Variants in CLYBL observed in about 807,000 individuals in gnomAD.
CLYBL encodes the protein citramalyl-CoA lyase.
CLYBL carries 31 observed loss-of-function variants against 38.9 expected under a neutral mutation model. That is an observed-to-expected ratio of 0.80 (90% CI 0.60 to 1.08). CLYBL has a LOEUF of 1.08. Ranked by LOEUF, CLYBL falls within the 50% of genes least tolerant of loss-of-function variation. The probability of loss-of-function intolerance (pLI) is 0.00; values close to 1 mark genes in which losing one functional copy is unlikely to be tolerated. For missense variants in CLYBL, 434 were observed against 411.6 expected, an observed-to-expected ratio of 1.05 and a Z score of -0.47; for synonymous variants, 171 against 158.6, an observed-to-expected ratio of 1.08 and a Z score of -0.59.
At chr13:99,857,782 G>A (rs1461466784) in intron 2 of CLYBL, among the ~76,000 whole-genome samples, 1 of 152,176 alleles carries the variant, frequency 6.6e-6, no homozygotes, top group African/African-American at 2.4e-5. Flanking sequence ...TCCTAGATCA[G>A]TATTGCTTTT....
intron 2 of CLYBL, among the ~76,000 whole-genome samples, chr13:99,813,826 G>A (rs2050389300): frequency 6.6e-6 from 1 of 152,076 alleles, no homozygotes; most frequent in African/African-American, 2.4e-5. Context: ...GTTGCCGTCC[G>A]CAAGTCCTTC....
chr13:99,788,782 G>A (rs2049854193), intron 2 of CLYBL, among the ~76,000 whole-genome samples: 1 of 152,192 alleles, frequency 6.6e-6, no homozygotes, highest in African/African-American at 2.4e-5. Context: ...AATGGTACCA[G>A]CTCCTCCTTG....
chr13:99,896,794 C>CT (rs1321113415), downstream of CLYBL: 1 of 152,240 alleles, frequency 6.6e-6, no homozygotes, highest in Non-Finnish European at 1.5e-5. Flanking sequence ...GGAGGCCACT[C>CT]TAAGTGGTAA....
At chr13:99,650,121 G>A (rs2047230621) in intron 1 of CLYBL, among the ~76,000 whole-genome samples, 1 of 152,022 alleles carries the variant, frequency 6.6e-6, no homozygotes, top group South Asian at 2.1e-4. Context: ...AAATTAGCTG[G>A]GCGTGGTGGC....
intron 7 of CLYBL, among the ~76,000 whole-genome samples, chr13:99,882,144 T>C (rs1192063689): frequency 2.0e-5 from 3 of 152,162 alleles, no homozygotes; most frequent in African/African-American, 7.2e-5. Flanking sequence ...TATGTAGCTG[T>C]ATTAGAACTT....
Position 99,727,024 on chromosome 13 carries a change from TG to T in CLYBL, c.63-45799del, listed in dbSNP as rs2048486560. 2.6e-5 allele frequency among the ~76,000 whole-genome samples: 4 copies of T among 151,988 alleles called. No individual in the cohort carries two copies. In the South Asian group the frequency reaches 8.3e-4, roughly 32 times the overall value. ...AAGTTCAAAAATTAGACAGGCATGG[TG>T]TCACACGCCTGAAATCCCAACTACT... On this transcript the variant is annotated intron_variant, in intron 1 of 8. Coordinates refer to ENST00000339105, the MANE Select transcript of CLYBL (RefSeq NM_206808.5).
chr13:99,781,387 G>A (rs567740228), intron 2 of CLYBL, among the ~76,000 whole-genome samples: 27 of 151,506 alleles, frequency 1.8e-4, no homozygotes, highest in Admixed American at 4.6e-4. Context: ...AGCCAGGATG[G>A]TCTCAATCTC....
intron 2 of CLYBL, among the ~76,000 whole-genome samples, chr13:99,839,457 C>A (rs2051016112): frequency 6.6e-6 from 1 of 152,214 alleles, no homozygotes; most frequent in Non-Finnish European, 1.5e-5. Context: ...ACTATGAAGA[C>A]TCTTCCCAAC....
chr13:99,900,774 G>A (rs942153628), downstream of CLYBL, among the ~76,000 whole-genome samples: 2 of 152,140 alleles, frequency 1.3e-5, no homozygotes, highest in African/African-American at 2.4e-5. Flanking sequence ...CTCCAAATGT[G>A]TGTTTTGAAA....
chr13:99,749,522 C>G (rs995416551), intron 1 of CLYBL, among the ~76,000 whole-genome samples: 1 of 152,200 alleles, frequency 6.6e-6, no homozygotes, highest in Non-Finnish European at 1.5e-5. Context: ...CCATCCTGTA[C>G]CCTGAGTCCT....
At chr13:99,715,606 C>T (rs919603711) in intron 1 of CLYBL, among the ~76,000 whole-genome samples, 10 of 151,866 alleles carry the variant, frequency 6.6e-5, no homozygotes, top group African/African-American at 2.2e-4. Context: ...GGAATCCACC[C>T]GCCTTGGCCT....
intron 1 of CLYBL, among the ~76,000 whole-genome samples, chr13:99,670,553 G>A (rs934977210): frequency 4.5e-4 from 69 of 152,072 alleles, no homozygotes; most frequent in African/African-American, 1.5e-3. Flanking sequence ...AGAAATCTCT[G>A]CTCTGCCCTT....
At position 99,819,462 on chromosome 13, in the gene CLYBL, AT is replaced by A. The variant is rs1555312475; in HGVS notation, c.250-39398del. Among the ~76,000 whole-genome samples the A allele has an allele frequency of 8.6e-3, 345 of 40,286 alleles. 9 individuals are homozygous for A. Among genetic ancestry groups the A allele is most frequent in the African/African-American group, 0.029 (289 of 9,994 alleles). 26.4% of individuals were successfully genotyped at this position (40,286 alleles called of 152,430 possible). On this transcript the variant is annotated intron_variant, in intron 2 of 8. Coordinates refer to ENST00000339105, the MANE Select transcript of CLYBL (RefSeq NM_206808.5). ...TATATATATATATATATATATATATATATATAATATTTGTCAGGGTTGTCTG... is the reference window on the plus strand; with the variant it reads ...TATATATATATATATATATATATATAATATAATATTTGTCAGGGTTGTCTG...
At chr13:99,887,396 T>C (rs2052377569) in intron 7 of CLYBL, among the ~76,000 whole-genome samples, 1 of 152,204 alleles carries the variant, frequency 6.6e-6, no homozygotes. Flanking sequence ...AAGTTGCACA[T>C]GGTTCTTAAG....
rs139666308 is a variant in CLYBL, at chr13:99,906,470, C to T, written c.*160+1065C>T. Among the ~76,000 whole-genome samples the T allele has an allele frequency of 7.2e-3, 1,088 of 150,986 alleles. 16 individuals are homozygous for T. The highest frequency in any genetic ancestry group is 0.025 in the African/African-American group (1,013 of 41,078). Reference sequence around the variant, plus strand: ...TTCTTTTTTGAGACAAAGTCTTGCTCGGTCACCCAGTGGCGCGATCTCGGC... The same window carrying T: ...TTCTTTTTTGAGACAAAGTCTTGCTTGGTCACCCAGTGGCGCGATCTCGGC... On this transcript the variant is annotated intron_variant and NMD_transcript_variant, in intron 9 of 9. Transcript: ENST00000689673.
intron 1 of CLYBL, among the ~76,000 whole-genome samples, chr13:99,653,250 G>A (rs1250655781): frequency 6.6e-6 from 1 of 152,126 alleles, no homozygotes; most frequent in South Asian, 2.1e-4. Context: ...GAGCACCTGT[G>A]GATGTTTCAG....
At chr13:99,695,442 G>A (rs2047963814) in intron 1 of CLYBL, among the ~76,000 whole-genome samples, 1 of 152,044 alleles carries the variant, frequency 6.6e-6, no homozygotes, top group African/African-American at 2.4e-5. Flanking sequence ...TATGATGAGA[G>A]AACAAAAGGG....
chr13:99,867,425 A>G (rs1443823188), intron 6 of CLYBL, among the ~76,000 whole-genome samples: 2 of 152,230 alleles, frequency 1.3e-5, no homozygotes, highest in Non-Finnish European at 2.9e-5. Context: ...AAGCTATTCT[A>G]GTGTTATATT....
At chr13:99,799,180 A>G (rs1016907605) in intron 2 of CLYBL, among the ~76,000 whole-genome samples, 1 of 152,162 alleles carries the variant, frequency 6.6e-6, no homozygotes, top group Non-Finnish European at 1.5e-5. Flanking sequence ...TGAAGTCAGT[A>G]ATGCTTTTTC....
Sources: allele counts gnomAD v4.1 joint callset (sites outside exome capture counted in the v4.1 genomes callset), GRCh38; gene constraint gnomAD v4.1.1; transcripts MANE v1.5; gene names NCBI Gene and HGNC (gene_info 2026-07-23, HGNC 2026-07-21).